EYA3: variants seen among roughly 807,000 people sequenced by gnomAD.
EYA3 encodes protein phosphatase EYA3.
EYA3 carries 39 observed loss-of-function variants against 80.0 expected under a neutral mutation model. The ratio of observed to expected loss-of-function variants is 0.49; its 90% CI spans 0.38 to 0.64. EYA3 has a LOEUF of 0.64. EYA3 is among the 30% of genes least tolerant of loss of function. The pLI is 0.00. For synonymous variants in EYA3, 206 were observed against 232.8 expected (o/e 0.88, Z 1.05); for missense variants, 523 against 676.1 (o/e 0.77, Z 2.51).
At position 27,974,553 on chromosome 1, in the gene EYA3, G is replaced by A; in HGVS notation, c.1642-7C>T. ...TCCAGAAAGGCATGTTGTGCTGGAA[G>A]AGAGTGGGAATAGCTGGTTAATCCA... On this transcript the variant is annotated splice_polypyrimidine_tract_variant and splice_region_variant and intron_variant, in intron 17 of 17. Coordinates refer to ENST00000373871, the MANE Select transcript of EYA3 (RefSeq NM_001990.4). 2 of 1,611,588 alleles carry A rather than the reference G, an allele frequency of 1.2e-6. No homozygotes were observed. Among genetic ancestry groups the A allele is most frequent in the Non-Finnish European group, 1.7e-6 (2 of 1,178,074 alleles).
intron 1 of EYA3, among the ~76,000 whole-genome samples, chr1:28,064,359 CCT>C (rs753576988): frequency 0.06 from 8,227 of 137,326 alleles, 296 homozygotes; most frequent in African/African-American, 0.098. Context: ...AGCAAGCCAT[CCT>C]CTCTCTCTCT....
chr1:28,055,620 G>A (rs1644411762), intron 2 of EYA3, among the ~76,000 whole-genome samples: 1 of 151,986 alleles, frequency 6.6e-6, no homozygotes, highest in Non-Finnish European at 1.5e-5. Context: ...ACAGGCAAGT[G>A]CCACCACACC....
chr1:27,977,248 A>C, intron 17 of EYA3: 1 of 1,536,778 alleles, frequency 6.5e-7, no homozygotes, highest in African/African-American at 1.4e-5. Flanking sequence ...GACAAATGAA[A>C]ACATGAGATA....
At position 28,064,221 on chromosome 1, in the gene EYA3, C is replaced by T. The variant is rs143020616; in HGVS notation, c.-68-6127G>A. Among the ~76,000 whole-genome samples, 407 of 152,064 alleles carry T rather than the reference C, an allele frequency of 2.7e-3. 3 individuals carry two copies. Among genetic ancestry groups the T allele is most frequent in the African/African-American group, 7.7e-3 (318 of 41,470 alleles). ...TTTAATAGTTTCAAATCCATTGAGA[C>T]GTTGCTTTCAATTTCAAATAATGTG... On this transcript the variant is annotated intron_variant, in intron 1 of 17. Coordinates refer to ENST00000373871, the MANE Select transcript of EYA3 (RefSeq NM_001990.4).
chr1:27,982,058 G>A (rs1639341318), intron 16 of EYA3, among the ~76,000 whole-genome samples: 1 of 147,112 alleles, frequency 6.8e-6, no homozygotes, highest in Admixed American at 6.9e-5. Context: ...CCAGACTGGA[G>A]TGCAGTGGCG....
chr1:28,053,471 CA>C (rs1428699945), intron 2 of EYA3, among the ~76,000 whole-genome samples: 1 of 152,084 alleles, frequency 6.6e-6, no homozygotes, highest in Non-Finnish European at 1.5e-5. Context: ...AGCAAGGAAA[CA>C]AAAAACCCAG....
chr1:28,003,265 G>A (rs1334988261), intron 11 of EYA3, among the ~76,000 whole-genome samples: 2 of 133,392 alleles, frequency 1.5e-5, no homozygotes, highest in Non-Finnish European at 3.2e-5. Context: ...GCGAGACTCC[G>A]TCTCAAACAA....
At chr1:28,065,549 C>T (rs1423446687) in intron 1 of EYA3, among the ~76,000 whole-genome samples, 1 of 151,824 alleles carries the variant, frequency 6.6e-6, no homozygotes, top group Non-Finnish European at 1.5e-5. Flanking sequence ...GTGTGAGCCA[C>T]AACACCCAGC....
chr1:28,055,038 C>T (rs1438162139), intron 2 of EYA3, among the ~76,000 whole-genome samples: 1 of 152,094 alleles, frequency 6.6e-6, no homozygotes, highest in Non-Finnish European at 1.5e-5. Context: ...ATGACAATCA[C>T]CTGGAGCTAT....
intron 1 of EYA3, among the ~76,000 whole-genome samples, chr1:28,077,378 T>C (rs1041384567): frequency 1.3e-5 from 2 of 152,166 alleles, no homozygotes; most frequent in African/African-American, 4.8e-5. Flanking sequence ...AGTGCTGGGA[T>C]TATAGGCATG....
At chr1:28,083,510 A>G (rs2148960423) in intron 1 of EYA3, among the ~76,000 whole-genome samples, 1 of 151,386 alleles carries the variant, frequency 6.6e-6, no homozygotes, top group African/African-American at 2.4e-5. Flanking sequence ...ACAGGGCAAG[A>G]CTCCGTCTCA....
At chr1:28,033,588 C>A (rs1312670965) in intron 6 of EYA3, among the ~76,000 whole-genome samples, 1 of 151,398 alleles carries the variant, frequency 6.6e-6, no homozygotes, top group Non-Finnish European at 1.5e-5. Flanking sequence ...ATGTATCCTT[C>A]AAGGTTTTAA....
intron 14 of EYA3, 141 bp downstream of exon 14, chr1:27,993,259 A>G: frequency 3.3e-6 from 3 of 900,724 alleles, no homozygotes; most frequent in Non-Finnish European, 3.3e-6. Context: ...CCAAACCTCT[A>G]TTTTTTTAAA....
At chr1:28,046,523 G>A (rs1349906651) in intron 3 of EYA3, among the ~76,000 whole-genome samples, 1 of 152,050 alleles carries the variant, frequency 6.6e-6, no homozygotes. Context: ...GAGGGAAAAG[G>A]GAGAAGGTAG....
intron 1 of EYA3, among the ~76,000 whole-genome samples, chr1:28,073,128 T>TATATATATATATA (rs58073802): frequency 5.5e-4 from 16 of 29,222 alleles, no homozygotes; most frequent in Non-Finnish European, 7.0e-4. Flanking sequence ...TATATATATA[T>TATATATATATATA]TTTTTTTTTT....
chr1:28,079,114 A>C (rs946643816), intron 1 of EYA3, among the ~76,000 whole-genome samples: 4 of 152,234 alleles, frequency 2.6e-5, no homozygotes, highest in African/African-American at 7.2e-5. Flanking sequence ...ATGAGTTAAC[A>C]CAAGTGAAGT....
At position 28,038,923 on chromosome 1, in the gene EYA3, T is replaced by C. The variant is rs1386260647; in HGVS notation, c.158-18A>G. The C allele has an allele frequency of 6.4e-7, 1 of 1,566,268 alleles. No individual in the cohort carries two copies. The highest frequency in any genetic ancestry group is 1.3e-5 in the African/African-American group (1 of 74,156). On this transcript the variant is annotated intron_variant, in intron 4 of 17. Coordinates refer to ENST00000373871, the MANE Select transcript of EYA3 (RefSeq NM_001990.4). ...TGTCATAACTGAAAGAAAGATAATA[T>C]CACCAGGTTAAAAAGTTAGAACATT... is the stretch of plus-strand genomic sequence containing the variant.
At chr1:28,002,030 C>T (rs945580180) in intron 11 of EYA3, among the ~76,000 whole-genome samples, 13 of 152,150 alleles carry the variant, frequency 8.5e-5, no homozygotes, top group Non-Finnish European at 1.5e-4. Context: ...ATTCTCCTGC[C>T]TCATCCTCTC....
intron 6 of EYA3, among the ~76,000 whole-genome samples, chr1:28,033,923 G>A (rs955199966): frequency 2.6e-5 from 4 of 151,392 alleles, no homozygotes; most frequent in African/African-American, 9.7e-5. Context: ...GGCCGGGCGT[G>A]GTGGCTCATG....
Sources: gnomAD v4.1 joint callset for allele counts (sites outside exome capture counted in the v4.1 genomes callset) on GRCh38, gnomAD v4.1.1 for gene constraint, MANE v1.5 for transcripts, NCBI Gene and HGNC (gene_info 2026-07-23, HGNC 2026-07-21) for gene names.